KCNJ3: variants seen among roughly 807,000 people sequenced by gnomAD.
KCNJ3 encodes potassium inwardly rectifying channel subfamily J member 3, also known as G protein-activated inward rectifier potassium channel 1.
In KCNJ3, 4 loss-of-function variants were observed where a neutral mutation model predicts 39.2. That is an observed-to-expected ratio of 0.10 (90% CI 0.05 to 0.23). The LOEUF is 0.23. Ranked by LOEUF, KCNJ3 falls within the 10% of genes least tolerant of loss-of-function variation. KCNJ3 has a pLI of 1.00. For synonymous variants in KCNJ3, 230 were observed against 237.4 expected (o/e 0.97, Z 0.29); for missense variants, 276 against 634.9 (o/e 0.43, Z 6.08).
At chr2:154,727,836 A>G (rs1685386613) in intron 2 of KCNJ3, among the ~76,000 whole-genome samples, 1 of 151,528 alleles carries the variant, frequency 6.6e-6, no homozygotes, top group Non-Finnish European at 1.5e-5. Context: ...GTTAGAATAC[A>G]GTTCTGCCCT....
At chr2:154,835,347 TTG>T (rs781587979) in intron 2 of KCNJ3, among the ~76,000 whole-genome samples, 25,956 of 151,124 alleles carry the variant, frequency 0.17, 2,767 homozygotes, top group East Asian at 0.47. Context: ...TTTCTTTTTT[TTG>T]TTTACTATTC....
intron 2 of KCNJ3, among the ~76,000 whole-genome samples, chr2:154,771,097 G>A (rs1466156430): frequency 1.3e-5 from 2 of 151,836 alleles, no homozygotes; most frequent in South Asian, 2.1e-4. Flanking sequence ...CACTATGTTG[G>A]CCAGGCTGGT....
chr2:154,707,321 T>G (rs987937626), intron 1 of KCNJ3, among the ~76,000 whole-genome samples: 1 of 151,984 alleles, frequency 6.6e-6, no homozygotes. Context: ...AGAAGGTATA[T>G]TAAGTCTCAA....
chr2:154,821,736 G>A (rs533548541), intron 2 of KCNJ3, among the ~76,000 whole-genome samples: 8 of 133,320 alleles, frequency 6.0e-5, no homozygotes, highest in African/African-American at 1.4e-4. Context: ...TGCCTCCCTC[G>A]TTCAAGCAAT....
chr2:154,747,691 C>T (rs924843154), intron 2 of KCNJ3, among the ~76,000 whole-genome samples: 9 of 151,928 alleles, frequency 5.9e-5, no homozygotes, highest in African/African-American at 1.9e-4. Flanking sequence ...ACAAATAGCC[C>T]TGCATGGAGT....
intron 2 of KCNJ3, among the ~76,000 whole-genome samples, chr2:154,757,131 A>G (rs1685952720): frequency 6.6e-6 from 1 of 152,182 alleles, no homozygotes; most frequent in African/African-American, 2.4e-5. Context: ...GGAACAGGAC[A>G]TATATGAGTA....
At chr2:154,746,351 C>G (rs1018725774) in intron 2 of KCNJ3, among the ~76,000 whole-genome samples, 1 of 151,720 alleles carries the variant, frequency 6.6e-6, no homozygotes, top group African/African-American at 2.4e-5. Context: ...CCCCTAGCCC[C>G]CACATTGTTT....
chr2:154,834,726 C>A (rs1206336215), intron 2 of KCNJ3, among the ~76,000 whole-genome samples: 1 of 148,274 alleles, frequency 6.7e-6, no homozygotes, highest in African/African-American at 2.5e-5. Context: ...GACTCCATCT[C>A]AAAAAATAAA....
At chr2:154,811,443 T>A (rs986387880) in intron 2 of KCNJ3, among the ~76,000 whole-genome samples, 11 of 152,216 alleles carry the variant, frequency 7.2e-5, no homozygotes, top group African/African-American at 2.6e-4. Context: ...CGCACCACCA[T>A]GCCTGGCTAA....
intron 2 of KCNJ3, among the ~76,000 whole-genome samples, chr2:154,776,005 C>CTTT (rs397872416): frequency 1.4e-5 from 2 of 144,760 alleles, no homozygotes; most frequent in Non-Finnish European, 1.5e-5. Context: ...AGAAGTGATT[C>CTTT]TTTTTTTTTT....
intron 2 of KCNJ3, among the ~76,000 whole-genome samples, chr2:154,824,784 C>T (rs111317775): frequency 0.029 from 4,388 of 152,030 alleles, 91 homozygotes; most frequent in Non-Finnish European, 0.046. Flanking sequence ...TTGCAGAAAC[C>T]GCATGAATAG....
chr2:154,786,160 T>G (rs977833801), intron 2 of KCNJ3, among the ~76,000 whole-genome samples: 3 of 152,210 alleles, frequency 2.0e-5, no homozygotes, highest in Non-Finnish European at 4.4e-5. Context: ...GGAAAGTGTT[T>G]CAGATCTGGT....
At chr2:154,838,444 C>T (rs865964421) in intron 2 of KCNJ3, among the ~76,000 whole-genome samples, 1 of 152,266 alleles carries the variant, frequency 6.6e-6, no homozygotes, top group Middle Eastern at 3.4e-3. Context: ...ACCTCAGTAT[C>T]TTTATCAGTC....
intron 1 of KCNJ3, among the ~76,000 whole-genome samples, chr2:154,705,357 T>C (rs1684985822): frequency 6.6e-6 from 1 of 152,176 alleles, no homozygotes; most frequent in Non-Finnish European, 1.5e-5. Context: ...TGTATGTGTG[T>C]GTCTGTCTGT....
At chr2:154,772,831 G>A (rs1033054391) in intron 2 of KCNJ3, among the ~76,000 whole-genome samples, 2 of 151,628 alleles carry the variant, frequency 1.3e-5, no homozygotes, top group South Asian at 2.1e-4. Flanking sequence ...TACTCATCTC[G>A]GTGTCTAAAA....
chr2:154,810,349 G>A (rs1040553404), intron 2 of KCNJ3, among the ~76,000 whole-genome samples: 2 of 152,132 alleles, frequency 1.3e-5, no homozygotes, highest in Admixed American at 1.3e-4. Flanking sequence ...CTCCCAAAGT[G>A]CTGGGATTAC....
At chr2:154,838,263 T>C (rs1383265840) in intron 2 of KCNJ3, among the ~76,000 whole-genome samples, 1 of 152,074 alleles carries the variant, frequency 6.6e-6, no homozygotes, top group African/African-American at 2.4e-5. Context: ...GTAATATGAA[T>C]GGGAAATAGT....
chr2:154,805,553 T>C (rs1422462074), intron 2 of KCNJ3, among the ~76,000 whole-genome samples: 1 of 152,210 alleles, frequency 6.6e-6, no homozygotes, highest in Non-Finnish European at 1.5e-5. Flanking sequence ...TAAAAGATTG[T>C]ATTTTTACTT....
chr2:154,787,209 A>G (rs975166872), intron 2 of KCNJ3, among the ~76,000 whole-genome samples: 7 of 152,214 alleles, frequency 4.6e-5, no homozygotes, highest in African/African-American at 1.4e-4. Flanking sequence ...CGCATTTTCA[A>G]TAACACTTAG....
Sources: allele counts gnomAD v4.1 joint callset (sites outside exome capture counted in the v4.1 genomes callset), GRCh38; gene constraint gnomAD v4.1.1; transcripts MANE v1.5; gene names NCBI Gene and HGNC (gene_info 2026-07-23, HGNC 2026-07-21).